Variants in LINGO2 observed in about 807,000 individuals in gnomAD.
LINGO2 encodes the protein leucine rich repeat and Ig domain containing 2, also known as leucine-rich repeat and immunoglobulin-like domain-containing nogo receptor-interacting protein 2.
LINGO2 carries 14 observed loss-of-function variants against 30.6 expected under a neutral mutation model. That is an observed-to-expected ratio of 0.46 (90% CI 0.30 to 0.72). LINGO2 has a LOEUF of 0.72. Ranked by LOEUF, LINGO2 falls within the 30% of genes least tolerant of loss-of-function variation. LINGO2 has a pLI of 0.07. For synonymous variants in LINGO2, 317 were observed against 288.5 expected, an observed-to-expected ratio of 1.10 and a Z score of -1.00; for missense variants, 729 against 751.7, an observed-to-expected ratio of 0.97 and a Z score of 0.35.
chr9:28,737,623 C>A, the LINGO2 span, among the ~76,000 whole-genome samples: 1 of 135,578 alleles, frequency 7.4e-6, no homozygotes, highest in Non-Finnish European at 1.6e-5. Context: ...CATGCAATCA[C>A]CACAGTAAAT....
At chr9:28,652,149 G>C (rs561547638) in intron 1 of LINGO2, among the ~76,000 whole-genome samples, 1 of 151,874 alleles carries the variant, frequency 6.6e-6, no homozygotes, top group African/African-American at 2.4e-5. Flanking sequence ...TTTCATCTTT[G>C]TATATTACCC....
chr9:28,683,509 G>A, the LINGO2 span, among the ~76,000 whole-genome samples: 6 of 151,798 alleles, frequency 4.0e-5, no homozygotes, highest in African/African-American at 7.3e-5. Flanking sequence ...TTATGCCACC[G>A]AGCAATTAGA....
intron 3 of LINGO2, among the ~76,000 whole-genome samples, chr9:28,347,171 G>C (rs1043656401): frequency 6.6e-6 from 1 of 152,066 alleles, no homozygotes; most frequent in Admixed American, 6.6e-5. Context: ...AATAAAAATA[G>C]AAAATTCCTA....
At chr9:28,226,625 AGG>A in intron 4 of LINGO2, among the ~76,000 whole-genome samples, 7 of 90,448 alleles carry the variant, frequency 7.7e-5, no homozygotes, top group African/African-American at 2.0e-4. Flanking sequence ...GAAGGAAAGA[AGG>A]AAAGAAGGAA....
the LINGO2 span, among the ~76,000 whole-genome samples, chr9:28,899,455 C>T: frequency 1.3e-5 from 2 of 152,168 alleles, no homozygotes; most frequent in African/African-American, 2.4e-5. Context: ...GCCCCAGTGG[C>T]CCCAGGCTCC....
At chr9:28,825,721 T>G in the LINGO2 span, among the ~76,000 whole-genome samples, 1 of 152,154 alleles carries the variant, frequency 6.6e-6, no homozygotes, top group African/African-American at 2.4e-5. Flanking sequence ...CTACTTTACT[T>G]ATAGCCTGCT....
At chr9:28,643,724 A>G (rs1241748583) in intron 1 of LINGO2, among the ~76,000 whole-genome samples, 2 of 152,110 alleles carry the variant, frequency 1.3e-5, no homozygotes, top group Non-Finnish European at 2.9e-5. Context: ...TAGCAAAAGA[A>G]ACAATCAATG....
the LINGO2 span, among the ~76,000 whole-genome samples, chr9:28,679,654 A>C: frequency 1.3e-5 from 2 of 152,084 alleles, no homozygotes; most frequent in African/African-American, 4.8e-5. Flanking sequence ...TAATAGTAAT[A>C]AAGAGGGTTT....
intron 2 of LINGO2, among the ~76,000 whole-genome samples, chr9:28,415,406 G>T (rs530850171): frequency 6.6e-6 from 1 of 152,130 alleles, no homozygotes; most frequent in African/African-American, 2.4e-5. Context: ...TTTCCAAAAT[G>T]ATCAATGGCA....
At chr9:28,845,719 G>A in the LINGO2 span, among the ~76,000 whole-genome samples, 2 of 151,604 alleles carry the variant, frequency 1.3e-5, no homozygotes, top group African/African-American at 4.9e-5. Flanking sequence ...GATTTTGAAT[G>A]TTAGAGTGTG....
chr9:28,524,614 A>T lies in LINGO2; in HGVS notation c.-364-48589T>A, dbSNP rs191147977. ...CTAAAACCCAAAAAATTAGCCAGGC[A>T]TGGTGGTGTGCACCTGTAATCCCAG... On this transcript the variant is annotated intron_variant, in intron 1 of 5. Transcript: ENST00000379992. Among the ~76,000 whole-genome samples the T allele has an allele frequency of 1.2e-4, 19 of 152,212 alleles. No homozygotes were observed. In the East Asian group the frequency reaches 3.1e-3, roughly 25 times the overall value.
At chr9:28,671,513 C>CAAA (rs11286682), upstream of LINGO2, among the ~76,000 whole-genome samples, 53 of 105,626 alleles carry the variant, frequency 5.0e-4, no homozygotes, top group East Asian at 1.8e-3. Context: ...TTATCTTAAG[C>CAAA]AAAAAAAAAA....
chr9:28,594,085 C>A lies in LINGO2; in HGVS notation c.-365+76115G>T, dbSNP rs372620590. On this transcript the variant is annotated intron_variant, in intron 1 of 5. Transcript: ENST00000379992. ...CAAAAGTACCCGTGTTATAATATTA[C>A]AGTGATGATACCTATAGTTAGAAGT... Among the ~76,000 whole-genome samples, 106 of 151,882 alleles carry A rather than the reference C, an allele frequency of 7.0e-4. 1 individual carries two copies. The highest frequency in any genetic ancestry group is 2.4e-3 in the African/African-American group (100 of 41,460).
At chr9:28,895,623 C>A in the LINGO2 span, among the ~76,000 whole-genome samples, 4 of 152,076 alleles carry the variant, frequency 2.6e-5, no homozygotes, top group Non-Finnish European at 5.9e-5. Flanking sequence ...ATTCCCATTT[C>A]TGTGCCCTAC....
chr9:28,678,761 A>G, the LINGO2 span, among the ~76,000 whole-genome samples: 7 of 152,102 alleles, frequency 4.6e-5, no homozygotes, highest in Non-Finnish European at 1.5e-5. Context: ...TCTTTTGATT[A>G]TATTTTGCTT....
At chr9:28,964,024 T>C in the LINGO2 span, among the ~76,000 whole-genome samples, 2 of 151,926 alleles carry the variant, frequency 1.3e-5, no homozygotes, top group Admixed American at 6.6e-5. Flanking sequence ...TGTCAGATAC[T>C]TTGTCAAGTG....
chr9:29,102,084 C>CTT, the LINGO2 span, among the ~76,000 whole-genome samples: 2 of 145,094 alleles, frequency 1.4e-5, no homozygotes, highest in Non-Finnish European at 3.0e-5. Context: ...ACATCTGCAT[C>CTT]TTTTTTTTTT....
chr9:28,635,872 G>A (rs576748870), intron 1 of LINGO2, among the ~76,000 whole-genome samples: 18 of 152,134 alleles, frequency 1.2e-4, no homozygotes, highest in African/African-American at 3.9e-4. Context: ...TGTGCACAAC[G>A]TACAGGTTTG....
chr9:28,367,433 G>A (rs1820721003), intron 3 of LINGO2, among the ~76,000 whole-genome samples: 1 of 152,044 alleles, frequency 6.6e-6, no homozygotes, highest in South Asian at 2.1e-4. Context: ...TAGAGGGGCT[G>A]CATAAGCTGA....
Sources: gnomAD v4.1 joint callset for allele counts (sites outside exome capture counted in the v4.1 genomes callset) on GRCh38, gnomAD v4.1.1 for gene constraint, MANE v1.5 for transcripts, NCBI Gene and HGNC (gene_info 2026-07-23, HGNC 2026-07-21) for gene names.